The following SULF2 variants were observed in gnomAD, a reference collection of about 807,000 sequenced individuals.
The protein encoded by SULF2 is extracellular sulfatase Sulf-2.
A neutral mutation model predicts 107.7 loss-of-function variants in SULF2; 52 were observed. The observed-to-expected ratio is 0.48, with a 90% CI of 0.39 to 0.61. The LOEUF (loss-of-function observed/expected upper bound fraction) is 0.61. Among genes scored for constraint, SULF2 ranks in the 20% least tolerant of loss-of-function variants. The pLI is 0.00. For missense variants in SULF2, 993 were observed against 1,177.3 expected (o/e 0.84, Z 2.29); for synonymous variants, 460 against 464.3 (o/e 0.99, Z 0.12).
chr20:47,689,319 C>T (rs2088119636), intron 5 of SULF2, among the ~76,000 whole-genome samples: 1 of 152,204 alleles, frequency 6.6e-6, no homozygotes, highest in Non-Finnish European at 1.5e-5. Flanking sequence ...GTGATGGTGC[C>T]ACTTCCGAGA....
chr20:47,774,094 G>A (rs986496082), intron 1 of SULF2, among the ~76,000 whole-genome samples: 1 of 152,238 alleles, frequency 6.6e-6, no homozygotes, highest in Non-Finnish European at 1.5e-5. Context: ...AGAAGCTGGG[G>A]GAAGGAGTCA....
chr20:47,729,781 C>G, intron 3 of SULF2, among the ~76,000 whole-genome samples: 1 of 152,000 alleles, frequency 6.6e-6, no homozygotes, highest in East Asian at 1.9e-4. Context: ...GGATGGGGTT[C>G]AGGGCAAGGG....
At chr20:47,749,488 G>A (rs1263331562) in intron 2 of SULF2, among the ~76,000 whole-genome samples, 2 of 152,348 alleles carry the variant, frequency 1.3e-5, no homozygotes, top group Middle Eastern at 3.4e-3. Flanking sequence ...CGGCTAGAAG[G>A]CCAGGAGGTG....
At position 47,677,117 on chromosome 20, in the gene SULF2, T is replaced by A. The variant is rs752328407; in HGVS notation, c.1211A>T (p.Lys404Met). ...GAAGGAGTCCCGCCAGACCCTCATCTTCTTTTTCAAGTGAAACCTGGAAAA... is the reference window on the plus strand; with the variant it reads ...GAAGGAGTCCCGCCAGACCCTCATCATCTTTTTCAAGTGAAACCTGGAAAA... ...RPVNRFHLKK[K>M]MRVWRDSFLV... The change falls in exon 9 of 21, where the codon AAG (lysine) becomes ATG (methionine). Residue 404 changes from lysine to methionine, a missense_variant. By Grantham distance (95) the Lys-to-Met change is moderately conservative. This residue lies in a region of SULF2 where 108 missense variants were observed against 183.9 expected (regional missense o/e 0.59). Transcript: ENST00000688720. 1.4e-5 allele frequency: 22 copies of A among 1,613,004 alleles called. No individual in the cohort carries two copies. The East Asian group carries it at 2.5e-4, about 18-fold the overall frequency.
intron 3 of SULF2, among the ~76,000 whole-genome samples, chr20:47,733,452 C>T (rs1327070406): frequency 1.3e-5 from 2 of 152,168 alleles, no homozygotes; most frequent in African/African-American, 4.8e-5. Flanking sequence ...AACTAGAGCC[C>T]AATATTTGTT....
intron 3 of SULF2, among the ~76,000 whole-genome samples, chr20:47,713,757 A>T (rs1008825794): frequency 5.1e-5 from 3 of 58,476 alleles, no homozygotes; most frequent in Non-Finnish European, 1.6e-4. Flanking sequence ...CTCTGAAAAA[A>T]AAAAAATAAT....
intron 2 of SULF2, among the ~76,000 whole-genome samples, chr20:47,756,296 T>C (rs553641966): frequency 1.3e-5 from 2 of 151,850 alleles, no homozygotes; most frequent in African/African-American, 4.9e-5. Context: ...AGGTATCCTA[T>C]GTGTCAAATT....
At position 47,661,819 on chromosome 20, in the gene SULF2, G is replaced by A. The variant is rs767183637; in HGVS notation, c.2448C>T (p.Cys816=). Reference sequence around the variant, plus strand: ...GGGGGTTACACTGCTTGTAACCCTTGCAGCTCCTCAGCTCCATGAGCTGTA... The same window carrying A: ...GGGGGTTACACTGCTTGTAACCCTTACAGCTCCTCAGCTCCATGAGCTGTA... ...LHVQLMELRS[C]KGYKQCNPRT... The change falls in exon 18 of 21, where the codon TGC becomes TGT. Residue 816 remains cysteine, a synonymous_variant. Transcript: ENST00000688720. 4 of 1,590,222 alleles carry A rather than the reference G, an allele frequency of 2.5e-6. No individual in the cohort carries two copies. The highest frequency in any genetic ancestry group is 3.4e-6 in the Non-Finnish European group (4 of 1,163,590).
chr20:47,783,622 A>C (rs2090869813), intron 1 of SULF2, among the ~76,000 whole-genome samples: 1 of 152,208 alleles, frequency 6.6e-6, no homozygotes, highest in Non-Finnish European at 1.5e-5. Context: ...TTTCAGAAAA[A>C]GCCATAAATT....
chr20:47,730,895 C>A (rs1334751266), intron 3 of SULF2, among the ~76,000 whole-genome samples: 4 of 152,198 alleles, frequency 2.6e-5, no homozygotes, highest in African/African-American at 4.8e-5. Flanking sequence ...AGGGACTCAG[C>A]CAGCTGCTGC....
chr20:47,768,269 C>T (rs2146957003), intron 1 of SULF2, among the ~76,000 whole-genome samples: 1 of 152,366 alleles, frequency 6.6e-6, no homozygotes, highest in Non-Finnish European at 1.5e-5. Flanking sequence ...CAGCACTGGA[C>T]ACCTGGGATC....
At chr20:47,745,212 A>T (rs1344666594) in intron 2 of SULF2, among the ~76,000 whole-genome samples, 2 of 151,546 alleles carry the variant, frequency 1.3e-5, no homozygotes, top group Admixed American at 6.6e-5. Flanking sequence ...ACTCAATAGG[A>T]TGAAAAAGGT....
chr20:47,745,399 AAAAAAAAAAAAAT>A (rs2089994710), intron 2 of SULF2, among the ~76,000 whole-genome samples: 4 of 27,728 alleles, frequency 1.4e-4, no homozygotes, highest in Non-Finnish European at 1.7e-4. Context: ...AAAAAAAAAA[AAAAAAAAAAAAAT>A]ATATATATAT....
intron 2 of SULF2, among the ~76,000 whole-genome samples, chr20:47,742,806 C>T (rs908323530): frequency 3.3e-5 from 5 of 151,954 alleles, no homozygotes; most frequent in African/African-American, 1.2e-4. Flanking sequence ...CCACAGATGA[C>T]GACGTTGCCA....
At chr20:47,688,733 T>C (rs1216644750) in intron 5 of SULF2, among the ~76,000 whole-genome samples, 2 of 152,260 alleles carry the variant, frequency 1.3e-5, no homozygotes, top group East Asian at 3.9e-4. Flanking sequence ...ACGCAGCTCA[T>C]CGTCTTCTGT....
At chr20:47,676,734 C>T in intron 9 of SULF2, 111 bp from the exon 10 acceptor site, 1 of 1,369,584 alleles carries the variant, frequency 7.3e-7, no homozygotes, top group African/African-American at 1.4e-5. Context: ...CTTTTCCTCA[C>T]AGTGGAGGGC....
At chr20:47,703,227 G>T (rs1047453353) in intron 3 of SULF2, among the ~76,000 whole-genome samples, 3 of 152,200 alleles carry the variant, frequency 2.0e-5, no homozygotes, top group Non-Finnish European at 2.9e-5. Flanking sequence ...TGTAGAGAGC[G>T]ATCATTTCAG....
At chr20:47,779,140 C>T (rs530080829) in intron 1 of SULF2, among the ~76,000 whole-genome samples, 303 of 152,296 alleles carry the variant, frequency 2.0e-3, no homozygotes, top group African/African-American at 7.0e-3. Context: ...CCTTTGACTC[C>T]TTGGCAGGAT....
intron 7 of SULF2, among the ~76,000 whole-genome samples, chr20:47,679,969 C>T (rs2087771136): frequency 6.6e-6 from 1 of 152,168 alleles, no homozygotes. Context: ...GTCTATTGCC[C>T]AGTTAGACTC....
Sources: allele counts gnomAD v4.1 joint callset (sites outside exome capture counted in the v4.1 genomes callset), GRCh38; gene constraint gnomAD v4.1.1; regional missense constraint gnomAD v4.1.1; transcripts MANE v1.5; gene names NCBI Gene and HGNC (gene_info 2026-07-23, HGNC 2026-07-21).